TBC1D4: variants seen among roughly 807,000 people sequenced by gnomAD.
TBC1D4 encodes TBC1 domain family member 4.
A neutral mutation model predicts 142.5 loss-of-function variants in TBC1D4; 121 were observed. That is an observed-to-expected ratio of 0.85 (90% CI 0.73 to 0.99). TBC1D4 has a LOEUF of 0.99. Ranked by LOEUF, TBC1D4 falls within the 50% of genes least tolerant of loss-of-function variation. The probability of loss-of-function intolerance (pLI) is 0.00; values close to 1 mark genes in which losing one functional copy is unlikely to be tolerated. For missense variants in TBC1D4, 1,475 were observed against 1,606.6 expected (o/e 0.92, Z 1.40); for synonymous variants, 630 against 628.2 (o/e 1.00, Z -0.04).
intron 1 of TBC1D4, among the ~76,000 whole-genome samples, chr13:75,419,385 T>A (rs747256891): frequency 6.6e-6 from 1 of 152,212 alleles, no homozygotes; most frequent in Non-Finnish European, 1.5e-5. Flanking sequence ...TGTCTAACAA[T>A]GTATGTATCT....
intron 1 of TBC1D4, among the ~76,000 whole-genome samples, chr13:75,401,105 G>A (rs1472208293): frequency 6.6e-6 from 1 of 152,140 alleles, no homozygotes; most frequent in Non-Finnish European, 1.5e-5. Context: ...TCTCTAATAT[G>A]CTGTGGTATC....
intron 1 of TBC1D4, among the ~76,000 whole-genome samples, chr13:75,426,609 A>T (rs9543926): frequency 1 from 151,677 of 152,330 alleles, 75,517 homozygotes; most frequent in Middle Eastern, 1. Flanking sequence ...TCTTACCTGC[A>T]GGAGCAAATA....
chr13:75,302,317 T>C lies in TBC1D4; in HGVS notation c.2837A>G (p.Gln946Arg). ...RLRHRLPNKQ[Q>R]PPDISYKELL... ...TTCCTTATAGGATATGTCAGGAGGC[T>C]GTTGTTTATTAGGCAATCTGTGTCT... The change falls in exon 16 of 21, where the codon CAG (glutamine) becomes CGG (arginine). Residue 946 changes from glutamine (Q) to arginine (R), a missense_variant. Coordinates refer to ENST00000377636, the MANE Select transcript of TBC1D4 (RefSeq NM_014832.5). 6.2e-7 allele frequency: 1 copy of C among 1,614,184 alleles called. No homozygotes were observed. Among genetic ancestry groups the C allele is most frequent in the Non-Finnish European group, 8.5e-7 (1 of 1,180,042 alleles).
chr13:75,365,139 T>G (rs573146075), intron 1 of TBC1D4, among the ~76,000 whole-genome samples: 5 of 152,218 alleles, frequency 3.3e-5, no homozygotes, highest in Non-Finnish European at 7.3e-5. Context: ...GTGATCCAAT[T>G]TATATAAGCA....
chr13:75,376,910 A>G (rs776061270), intron 1 of TBC1D4, among the ~76,000 whole-genome samples: 1 of 152,230 alleles, frequency 6.6e-6, no homozygotes, highest in Non-Finnish European at 1.5e-5. Context: ...TAGGCCAAAC[A>G]CAGAGAATAG....
chr13:75,306,182 T>TC (rs1168518364), intron 15 of TBC1D4, 131 bp downstream of exon 15: 8 of 846,900 alleles, frequency 9.4e-6, no homozygotes, highest in Non-Finnish European at 1.4e-5. Flanking sequence ...AAATTACTTC[T>TC]CTTTTTTTAC....
intron 15 of TBC1D4, among the ~76,000 whole-genome samples, chr13:75,305,546 TC>T (rs377742807): frequency 6.6e-6 from 1 of 152,362 alleles, no homozygotes; most frequent in East Asian, 1.9e-4. Context: ...GCAGCAGCTT[TC>T]AAAATAACAC....
chr13:75,449,549 A>G (rs1887443274), intron 1 of TBC1D4, among the ~76,000 whole-genome samples: 1 of 150,924 alleles, frequency 6.6e-6, no homozygotes, highest in Non-Finnish European at 1.5e-5. Context: ...ACACACACAC[A>G]CACACAGACG....
At chr13:75,344,523 C>G (rs1049472225) in intron 5 of TBC1D4, among the ~76,000 whole-genome samples, 2 of 152,080 alleles carry the variant, frequency 1.3e-5, no homozygotes, top group East Asian at 3.9e-4. Flanking sequence ...ATATTATCCA[C>G]TATGCATGTT....
chr13:75,450,676 A>C (rs537892052), intron 1 of TBC1D4, among the ~76,000 whole-genome samples: 1 of 152,316 alleles, frequency 6.6e-6, no homozygotes, highest in East Asian at 1.9e-4. Flanking sequence ...AGGCTTCCTT[A>C]AATAGGCATG....
intron 4 of TBC1D4, among the ~76,000 whole-genome samples, chr13:75,351,657 A>C (rs1881612657): frequency 7.0e-6 from 1 of 142,584 alleles, no homozygotes; most frequent in Non-Finnish European, 1.5e-5. Flanking sequence ...CCTATGAGTG[A>C]GAACATGCGG....
Position 75,440,027 on chromosome 13 carries a change from G to A in TBC1D4, c.498+41243C>T, listed in dbSNP as rs974421354. On this transcript the variant is annotated intron_variant, in intron 1 of 20. Coordinates refer to ENST00000377636, the MANE Select transcript of TBC1D4 (RefSeq NM_014832.5). Reference sequence around the variant, plus strand: ...GCATAATAATTTTGCAGGACTCTGAGGATAGAACACAATCATTGGACAAGC... The same window carrying A: ...GCATAATAATTTTGCAGGACTCTGAAGATAGAACACAATCATTGGACAAGC... Among the ~76,000 whole-genome samples the A allele has an allele frequency of 3.9e-5, 6 of 152,230 alleles. No homozygotes were observed. In the East Asian group the frequency reaches 1.2e-3, roughly 29 times the overall value.
At chr13:75,438,950 G>C (rs1593886177) in intron 1 of TBC1D4, among the ~76,000 whole-genome samples, 1 of 152,096 alleles carries the variant, frequency 6.6e-6, no homozygotes, top group East Asian at 1.9e-4. Flanking sequence ...AATTTAAGTG[G>C]AAAGCTACAT....
chr13:75,317,584 C>T (rs921331007), intron 12 of TBC1D4, among the ~76,000 whole-genome samples: 4 of 152,144 alleles, frequency 2.6e-5, no homozygotes, highest in Non-Finnish European at 5.9e-5. Context: ...TAACCATTCC[C>T]TTATGTTTCC....
intron 12 of TBC1D4, among the ~76,000 whole-genome samples, chr13:75,313,780 C>T (rs1471366718): frequency 6.6e-6 from 1 of 152,194 alleles, no homozygotes; most frequent in Non-Finnish European, 1.5e-5. Context: ...CCTGTCTCAG[C>T]TCCCAAAGTG....
At chr13:75,431,878 A>C (rs957245608) in intron 1 of TBC1D4, among the ~76,000 whole-genome samples, 1 of 152,206 alleles carries the variant, frequency 6.6e-6, no homozygotes, top group Non-Finnish European at 1.5e-5. Context: ...CTTGTTACCT[A>C]TTAAGAAATA....
At chr13:75,379,162 A>T (rs192153363) in intron 1 of TBC1D4, among the ~76,000 whole-genome samples, 29 of 152,302 alleles carry the variant, frequency 1.9e-4, no homozygotes, top group African/African-American at 7.0e-4. Flanking sequence ...ATGATAAACA[A>T]GAAAATTAAA....
intron 12 of TBC1D4, among the ~76,000 whole-genome samples, chr13:75,317,090 G>A (rs996857608): frequency 3.3e-5 from 5 of 152,288 alleles, no homozygotes; most frequent in Middle Eastern, 3.4e-3. Context: ...AAGAGGCTAA[G>A]TAACTTGCCC....
chr13:75,468,350 G>A (rs555484004), intron 1 of TBC1D4, among the ~76,000 whole-genome samples: 345 of 152,212 alleles, frequency 2.3e-3, no homozygotes, highest in Non-Finnish European at 3.0e-3. Flanking sequence ...TTACCACTGG[G>A]AAGCCTAAAT....
Sources: gnomAD v4.1 joint callset for allele counts (sites outside exome capture counted in the v4.1 genomes callset) on GRCh38, gnomAD v4.1.1 for gene constraint, MANE v1.5 for transcripts, NCBI Gene and HGNC (gene_info 2026-07-23, HGNC 2026-07-21) for gene names.